CIMIP5: variants seen among roughly 807,000 people sequenced by gnomAD.
CIMIP5 encodes uncharacterized protein C2orf50.
the CIMIP5 span, among the ~76,000 whole-genome samples, chr2:11,138,313 C>G: frequency 6.6e-6 from 1 of 152,242 alleles, no homozygotes; most frequent in African/African-American, 2.4e-5. Flanking sequence ...AGAAAGAATA[C>G]AAGGTTGTAC....
the CIMIP5 span, chr2:11,133,245 G>C: frequency 6.9e-7 from 1 of 1,442,678 alleles, no homozygotes; most frequent in East Asian, 2.6e-5. Context: ...GGGACAGAGT[G>C]TTCCAGGAGG....
chr2:11,149,641 A>G, the CIMIP5 span, among the ~76,000 whole-genome samples: 8 of 152,296 alleles, frequency 5.3e-5, no homozygotes, highest in Non-Finnish European at 1.2e-4. Context: ...CAGGAAGTCA[A>G]GGCTGCAGTG....
chr2:11,133,288 T>C, the CIMIP5 span: 254 of 1,532,088 alleles, frequency 1.7e-4, no homozygotes, highest in Non-Finnish European at 2.1e-4. Flanking sequence ...CAGGTCTCTC[T>C]CTCTCTCTCT....
the CIMIP5 span, among the ~76,000 whole-genome samples, chr2:11,141,741 A>C: frequency 6.6e-6 from 1 of 152,198 alleles, no homozygotes; most frequent in Non-Finnish European, 1.5e-5. Flanking sequence ...GGGGAGGCTG[A>C]GGTGGGAGGA....
chr2:11,142,266 CAAAAAAAAAAA>C, the CIMIP5 span, among the ~76,000 whole-genome samples: 8 of 84,654 alleles, frequency 9.5e-5, no homozygotes, highest in Non-Finnish European at 1.5e-4. Flanking sequence ...AATTCAGTCT[CAAAAAAAAAAA>C]AAAAAAAAAA....
chr2:11,139,720 T>G, the CIMIP5 span, among the ~76,000 whole-genome samples: 2 of 152,222 alleles, frequency 1.3e-5, no homozygotes, highest in Non-Finnish European at 2.9e-5. Context: ...CATTGGAAAT[T>G]GAAATGTTTG....
chr2:11,133,536 C>T, the CIMIP5 span: 1 of 1,607,936 alleles, frequency 6.2e-7, no homozygotes, highest in Non-Finnish European at 8.5e-7. Flanking sequence ...TGGCGTGCAG[C>T]AGGACCAGCT....
At chr2:11,150,878 A>C in the CIMIP5 span, among the ~76,000 whole-genome samples, 114 of 152,180 alleles carry the variant, frequency 7.5e-4, no homozygotes, top group African/African-American at 2.5e-3. Context: ...AGAATTAAAA[A>C]AAAAAACAAA....
At chr2:11,145,753 AAG>A in the CIMIP5 span, 3 of 152,262 alleles carry the variant, frequency 2.0e-5, no homozygotes, top group African/African-American at 4.8e-5. Flanking sequence ...GGATGCAGGG[AAG>A]AGAGGGGCAC....
the CIMIP5 span, among the ~76,000 whole-genome samples, chr2:11,134,300 C>T: frequency 1.3e-4 from 20 of 152,156 alleles, no homozygotes; most frequent in Admixed American, 6.5e-4. Flanking sequence ...GGGGGAGCAG[C>T]GGGGGCCACC....
At chr2:11,152,065 C>T in the CIMIP5 span, among the ~76,000 whole-genome samples, 4 of 152,140 alleles carry the variant, frequency 2.6e-5, no homozygotes, top group South Asian at 4.1e-4. Context: ...TGTTCCCGAG[C>T]GGGGATTGCA....
the CIMIP5 span, chr2:11,140,486 A>G: frequency 2.0e-6 from 3 of 1,531,724 alleles, no homozygotes; most frequent in African/African-American, 2.7e-5. Context: ...GAACTCACAC[A>G]GCCAACATGT....
chr2:11,154,379 G>GCA, the CIMIP5 span, among the ~76,000 whole-genome samples: 1 of 152,128 alleles, frequency 6.6e-6, no homozygotes, highest in Non-Finnish European at 1.5e-5. Flanking sequence ...GAGGTGATGG[G>GCA]CCGGTGAGGC....
the CIMIP5 span, among the ~76,000 whole-genome samples, chr2:11,136,861 T>TGCAGGA: frequency 6.6e-6 from 1 of 152,286 alleles, no homozygotes; most frequent in East Asian, 1.9e-4. Flanking sequence ...GAGGCGAGGA[T>TGCAGGA]GCAGGACAGA....
At chr2:11,144,691 C>G in the CIMIP5 span, 1 of 152,208 alleles carries the variant, frequency 6.6e-6, no homozygotes, top group African/African-American at 2.4e-5. Context: ...CTCAAGGCAG[C>G]CTGTATTCCT....
the CIMIP5 span, among the ~76,000 whole-genome samples, chr2:11,135,938 T>C: frequency 6.6e-6 from 1 of 152,246 alleles, no homozygotes; most frequent in African/African-American, 2.4e-5. Flanking sequence ...TTTGGAGAAA[T>C]ATCTATTCAA....
the CIMIP5 span, chr2:11,143,836 A>G: frequency 8.5e-7 from 1 of 1,182,490 alleles, no homozygotes; most frequent in Non-Finnish European, 1.1e-6. Flanking sequence ...AAAGAGAGGC[A>G]GCTGCTCTCT....
At chr2:11,144,770 T>G in the CIMIP5 span, 312 of 152,194 alleles carry the variant, frequency 2.1e-3, no homozygotes, top group Non-Finnish European at 3.5e-3. Flanking sequence ...CTCTATCGCT[T>G]GCTCTCTCCT....
the CIMIP5 span, among the ~76,000 whole-genome samples, chr2:11,139,025 C>G: frequency 6.6e-6 from 1 of 152,140 alleles, no homozygotes; most frequent in Admixed American, 6.5e-5. Flanking sequence ...TCAAGCGATT[C>G]TCCTGCCTCA....
Sources: allele counts gnomAD v4.1 joint callset (sites outside exome capture counted in the v4.1 genomes callset), GRCh38; gene constraint gnomAD v4.1.1; transcripts MANE v1.5; gene names NCBI Gene and HGNC (gene_info 2026-07-23, HGNC 2026-07-21).